The following SLC12A3 variants were observed in gnomAD, a reference collection of about 807,000 sequenced individuals.
SLC12A3 encodes the protein Na-Cl cotransporter.
A neutral mutation model predicts 121.0 loss-of-function variants in SLC12A3; 104 were observed. That is an observed-to-expected ratio of 0.86 (90% CI 0.73 to 1.01). The LOEUF (loss-of-function observed/expected upper bound fraction) is 1.01, where lower values mean the gene tolerates loss of function less well. Among genes scored for constraint, SLC12A3 ranks in the 50% least tolerant of loss-of-function variants. The pLI, the probability that SLC12A3 is intolerant of heterozygous loss-of-function variation, is 0.00. For synonymous variants in SLC12A3, 536 were observed against 533.4 expected (o/e 1.00, Z -0.07); for missense variants, 1,328 against 1,356.3 (o/e 0.98, Z 0.33).
At chr16:56,885,586 T>A (rs2055300148) in intron 15 of SLC12A3, among the ~76,000 whole-genome samples, 1 of 152,120 alleles carries the variant, frequency 6.6e-6, no homozygotes, top group African/African-American at 2.4e-5. Context: ...TCTCCATGCC[T>A]TGGTTTCCAC....
At chr16:56,868,456 C>T in intron 3 of SLC12A3, 84 bp downstream of exon 3, 3 of 1,353,430 alleles carry the variant, frequency 2.2e-6, no homozygotes, top group Non-Finnish European at 3.1e-6. Context: ...TCTTCCCAGA[C>T]CCCAAGGTTG....
At position 56,913,536 on chromosome 16, in the gene SLC12A3, G is replaced by A. The variant is rs766202639; in HGVS notation, c.*131G>A. 56 of 948,624 alleles carry A rather than the reference G, an allele frequency of 5.9e-5. No homozygotes were observed. The East Asian group carries it at 6.2e-4, about 11-fold the overall frequency. 58.8% of individuals were successfully genotyped at this position (948,624 alleles called of 1,614,324 possible). A position where few individuals can be genotyped will look rare whatever the true frequency, so the allele number is the denominator to read the frequency against. ...AGTGGCAGCATCTGATGATCTCACCGAAAAAGATGGTAGATTTCCAAATCT... is the reference window on the plus strand; with the variant it reads ...AGTGGCAGCATCTGATGATCTCACCAAAAAAGATGGTAGATTTCCAAATCT... On this transcript the variant is annotated 3_prime_UTR_variant, in exon 26 of 26. Coordinates refer to ENST00000563236, the MANE Select transcript of SLC12A3 (RefSeq NM_001126108.2).
chr16:56,868,539 A>G (rs1357787747), intron 3 of SLC12A3, among the ~76,000 whole-genome samples, 167 bp downstream of exon 3: 1 of 152,248 alleles, frequency 6.6e-6, no homozygotes, highest in Admixed American at 6.5e-5. Flanking sequence ...AGGCCCCTGC[A>G]GTGACAGGGG....
At chr16:56,872,859 C>G (rs1324076987) in intron 8 of SLC12A3, 73 bp downstream of exon 8, 2 of 1,591,708 alleles carry the variant, frequency 1.3e-6, no homozygotes, top group African/African-American at 1.3e-5. Context: ...GCCCCCTGCT[C>G]TAGTGGCATC....
At chr16:56,872,280 A>C in intron 6 of SLC12A3, 71 bp from the exon 7 acceptor site, 1 of 1,088,838 alleles carries the variant, frequency 9.2e-7, no homozygotes, top group Non-Finnish European at 1.4e-6. Context: ...TGGGCAAATC[A>C]TTTTCTGGCG....
chr16:56,869,754 G>T lies in SLC12A3; in HGVS notation c.531G>T (p.Leu177=). 2 of 1,614,180 alleles carry T rather than the reference G, an allele frequency of 1.2e-6. No homozygotes were observed. Among genetic ancestry groups the T allele is most frequent in the African/African-American group, 1.3e-5 (1 of 75,052 alleles). The change falls in exon 4 of 26, where the codon CTG becomes CTT. Residue 177 remains leucine, a synonymous_variant. Coordinates refer to ENST00000563236, the MANE Select transcript of SLC12A3 (RefSeq NM_001126108.2). ...GIVLTWIIIL[L]SVTVTSITGL... is the part of the protein sequence containing the mutation. The stretch of plus-strand genomic sequence containing the variant: ...TCCTGACCTGGATCATCATCCTGCT[G>T]TCGGTCACGGTGACCTCCATCACAG...
At chr16:56,883,950 G>A (rs1056124661) in intron 13 of SLC12A3, 99 bp from the exon 14 acceptor site, 39 of 1,355,420 alleles carry the variant, frequency 2.9e-5, no homozygotes, top group Non-Finnish European at 4.1e-5. Flanking sequence ...CCCCGGCTCT[G>A]GGCACTGCTG....
rs866489365 is a variant in SLC12A3 at position 56,871,884 on chromosome 16, G to A, written c.853-467G>A. ...ATTACAGACACCCACCACCATGCCT[G>A]GCTAATTTTTGTATTTTTAGTATAG... On this transcript the variant is annotated intron_variant, in intron 6 of 25. Transcript: ENST00000563236. Among the ~76,000 whole-genome samples, 6 of 152,226 alleles carry A rather than the reference G, an allele frequency of 3.9e-5. No homozygotes were observed. In the South Asian group the frequency reaches 1.0e-3, roughly 26 times the overall value.
intron 2 of SLC12A3, 107 bp downstream of exon 2, chr16:56,867,323 C>T: frequency 8.8e-7 from 1 of 1,136,524 alleles, no homozygotes; most frequent in Non-Finnish European, 1.3e-6. Flanking sequence ...CTTCAGTTTC[C>T]CCATCTGTAC....
At chr16:56,868,181 A>T (rs1964403069) in intron 2 of SLC12A3, 116 bp from the exon 3 acceptor site, 1 of 931,330 alleles carries the variant, frequency 1.1e-6, no homozygotes, top group Admixed American at 2.0e-5. Flanking sequence ...TGAAGAAGGG[A>T]CCCAGGTGTC....
At chr16:56,903,544 G>A (rs1173772061) in intron 24 of SLC12A3, among the ~76,000 whole-genome samples, 3 of 152,174 alleles carry the variant, frequency 2.0e-5, no homozygotes, top group African/African-American at 4.8e-5. Context: ...AACATCCTAC[G>A]ATGTGCAGGA....
intron 24 of SLC12A3, 101 bp downstream of exon 24, chr16:56,902,609 A>G: frequency 2.8e-6 from 4 of 1,433,772 alleles, no homozygotes; most frequent in Non-Finnish European, 3.8e-6. Flanking sequence ...TCGATCCTCC[A>G]CCCTGCCTTC....
rs764119190 is a variant in SLC12A3, at chr16:56,913,304, C to A, written c.2965C>A (p.Leu989Met). The A allele has an allele frequency of 6.2e-7, 1 of 1,614,212 alleles. No individual in the cohort carries two copies. Among genetic ancestry groups the A allele is most frequent in the Non-Finnish European group, 8.5e-7 (1 of 1,180,040 alleles). ...IGRKGKCPSS[L>M]YMAWLETLSQ... ...GAGGAAGGGGAAGTGCCCCAGCTCG[C>A]TGTACATGGCCTGGCTGGAGACCCT... Residue 989 changes from leucine (L) to methionine (M), a missense_variant, in exon 26 of 26, where the codon CTG becomes ATG. By Grantham distance (15) the Leu-to-Met change is conservative. Transcript: ENST00000563236.
intron 25 of SLC12A3, among the ~76,000 whole-genome samples, chr16:56,905,338 C>CAAGA (rs2055593430): frequency 2.0e-5 from 1 of 50,750 alleles, no homozygotes; most frequent in African/African-American, 6.8e-5. Context: ...AACTCCGTCT[C>CAAGA]AAAAAAAAAA....
chr16:56,894,752 C>A (rs1596937737), intron 22 of SLC12A3, 110 bp downstream of exon 22: 1 of 811,492 alleles, frequency 1.2e-6, no homozygotes, highest in Non-Finnish European at 2.1e-6. Context: ...CAGGTGGGCA[C>A]TGAGATTGTC....
At chr16:56,893,113 TC>T (rs1357146324) in intron 21 of SLC12A3, 59 bp downstream of exon 21, 2 of 1,297,594 alleles carry the variant, frequency 1.5e-6, no homozygotes, top group African/African-American at 2.9e-5. Flanking sequence ...GTGGTGGTCT[TC>T]CTTCCTTCTC....
intron 22 of SLC12A3, among the ~76,000 whole-genome samples, chr16:56,896,118 G>A (rs1173380515): frequency 1.3e-5 from 2 of 152,258 alleles, no homozygotes; most frequent in East Asian, 3.8e-4. Context: ...CTTTAAGGCA[G>A]TGTCTCCAAT....
At chr16:56,877,849 A>T (rs2055183382) in intron 8 of SLC12A3, among the ~76,000 whole-genome samples, 1 of 151,982 alleles carries the variant, frequency 6.6e-6, no homozygotes, top group South Asian at 2.1e-4. Flanking sequence ...CCGACCCGTG[A>T]TCTTGGTTGT....
At chr16:56,865,837 CAG>C (rs1469709621) in intron 1 of SLC12A3, among the ~76,000 whole-genome samples, 1 of 152,170 alleles carries the variant, frequency 6.6e-6, no homozygotes, top group Non-Finnish European at 1.5e-5. Flanking sequence ...AGGTTCACCT[CAG>C]AGAGAGGGCT....
Sources: gnomAD v4.1 joint callset for allele counts (sites outside exome capture counted in the v4.1 genomes callset) on GRCh38, gnomAD v4.1.1 for gene constraint, MANE v1.5 for transcripts, NCBI Gene and HGNC (gene_info 2026-07-23, HGNC 2026-07-21) for gene names.